Variants in ROPN1L observed in about 807,000 individuals in gnomAD.
ROPN1L encodes the protein ropporin-1-like protein.
Under a neutral mutation model 22.7 loss-of-function variants are expected in ROPN1L, and 23 were observed. The observed-to-expected ratio is 1.01, with a 90% confidence interval of 0.73 to 1.43. ROPN1L has a LOEUF of 1.43. ROPN1L is among the 40% of genes most tolerant of loss of function. The probability of loss-of-function intolerance (pLI) is 0.00; values close to 1 mark genes in which losing one functional copy is unlikely to be tolerated. For missense variants in ROPN1L, 271 were observed against 291.5 expected (o/e 0.93, Z 0.51); for synonymous variants, 116 against 117.8 (o/e 0.98, Z 0.10).
chr5:10,446,543 C>T (rs1467012261), intron 1 of ROPN1L, among the ~76,000 whole-genome samples: 2 of 152,062 alleles, frequency 1.3e-5, no homozygotes, highest in African/African-American at 4.8e-5. Flanking sequence ...CATGTGTAAT[C>T]CCAGCTACTC....
In ROPN1L at chr5:10,442,150, T is replaced by G; in HGVS notation, c.-18T>G. 6.2e-7 allele frequency: 1 copy of G among 1,610,104 alleles called. No homozygotes were observed. The highest frequency in any genetic ancestry group is 8.5e-7 in the Non-Finnish European group (1 of 1,177,254). On this transcript the variant is annotated 5_prime_UTR_variant, in exon 1 of 5. Coordinates refer to ENST00000274134, the MANE Select transcript of ROPN1L (RefSeq NM_031916.5). Reference sequence around the variant, plus strand: ...AGCGCGCCGCGATTCACCAGCCTGGTCCCTTCTGCGGAGAGCGATGCCGCT... The same window carrying G: ...AGCGCGCCGCGATTCACCAGCCTGGGCCCTTCTGCGGAGAGCGATGCCGCT...
chr5:10,480,066 G>C, the ROPN1L span, among the ~76,000 whole-genome samples: 1 of 152,204 alleles, frequency 6.6e-6, no homozygotes, highest in Non-Finnish European at 1.5e-5. Flanking sequence ...CTTTAGGAGA[G>C]TTTGAAGACA....
Position 10,446,952 on chromosome 5 carries a change from C to T in ROPN1L, c.132-1308C>T, listed in dbSNP as rs17758786. Among the ~76,000 whole-genome samples the T allele has an allele frequency of 4.7e-3, 716 of 152,138 alleles. 3 individuals carry two copies. The highest frequency in any genetic ancestry group is 8.4e-3 in the Non-Finnish European group (574 of 67,986). On this transcript the variant is annotated intron_variant, in intron 1 of 4. Transcript: ENST00000274134. ...TGCTGCCTTCAAATCATTAACAAAG[C>T]CACAAAATGGAGCTGAAGTTGTCTT...
At chr5:10,470,294 G>C (rs1201124778) in intron 4 of ROPN1L, among the ~76,000 whole-genome samples, 1 of 152,018 alleles carries the variant, frequency 6.6e-6, no homozygotes, top group Non-Finnish European at 1.5e-5. Context: ...ACAATCCCCT[G>C]GTTATTGAAG....
chr5:10,468,188 CA>C (rs1174413818), downstream of ROPN1L, among the ~76,000 whole-genome samples: 1 of 152,240 alleles, frequency 6.6e-6, no homozygotes, highest in East Asian at 1.9e-4. Flanking sequence ...TCCAAGTGCC[CA>C]GAGGCCGAGC....
intron 3 of ROPN1L, 97 bp downstream of exon 3, chr5:10,450,210 A>G: frequency 1.0e-6 from 1 of 984,324 alleles, no homozygotes; most frequent in East Asian, 2.7e-5. Context: ...ACACTTTAGT[A>G]ACTTTGTCTT....
chr5:10,471,408 A>G (rs914727443), intron 4 of ROPN1L, among the ~76,000 whole-genome samples: 3 of 152,114 alleles, frequency 2.0e-5, no homozygotes, highest in Non-Finnish European at 2.9e-5. Context: ...TTGGCCTCCC[A>G]AAGTGCTGGG....
chr5:10,442,346 AG>A, intron 1 of ROPN1L, 48 bp downstream of exon 1: 1 of 1,600,540 alleles, frequency 6.2e-7, no homozygotes, highest in South Asian at 1.1e-5. Context: ...TGCCCAAGCC[AG>A]ACGAGCCCAG....
chr5:10,461,893 G>A (rs1033185539), intron 4 of ROPN1L, among the ~76,000 whole-genome samples: 5 of 152,216 alleles, frequency 3.3e-5, no homozygotes, highest in African/African-American at 1.2e-4. Context: ...GAGCATGGGG[G>A]CTTTTGCCCC....
downstream of ROPN1L, among the ~76,000 whole-genome samples, chr5:10,475,377 C>T (rs1054069060): frequency 1.3e-5 from 2 of 152,154 alleles, no homozygotes; most frequent in Non-Finnish European, 1.5e-5. Flanking sequence ...CCTCGTACCC[C>T]GACCCTATTG....
chr5:10,454,789 G>A (rs536564340), intron 3 of ROPN1L, among the ~76,000 whole-genome samples: 49 of 152,308 alleles, frequency 3.2e-4, no homozygotes, highest in African/African-American at 7.5e-4. Context: ...AGAGCCCTGC[G>A]TGTGTATTCT....
rs1561176730 is a variant in ROPN1L at position 10,461,379 on chromosome 5, A to AG, written c.593+22dup. The AG allele has an allele frequency of 6.2e-7, 1 of 1,604,334 alleles. No individual in the cohort carries two copies. Among genetic ancestry groups the AG allele is most frequent in the South Asian group, 1.1e-5 (1 of 90,636 alleles). ...AAATATGTAAGTATGCACCCTCTCT[A>AG]GGATTCAGGTATGTTGACCATGGGA... On this transcript the variant is annotated intron_variant, in intron 4 of 4. Transcript: ENST00000274134.
At chr5:10,447,063 T>C (rs1359701840) in intron 1 of ROPN1L, among the ~76,000 whole-genome samples, 1 of 152,228 alleles carries the variant, frequency 6.6e-6, no homozygotes, top group Non-Finnish European at 1.5e-5. Flanking sequence ...CTATCAGATA[T>C]CGACTTATCC....
rs2126418685 is a variant in ROPN1L, at chr5:10,441,965, A to G, written c.-203A>G. 6.6e-6 allele frequency: 4 copies of G among 601,952 alleles called. No individual in the cohort carries two copies. The highest frequency in any genetic ancestry group is 3.9e-5 in the South Asian group (2 of 50,644). 37.3% of individuals were successfully genotyped at this position (601,952 alleles called of 1,614,324 possible). ...GGGTCTAGGGTGTTGTCGGAGTGGC[A>G]GTTGGTCCGAATTTCTCCCGAAGCC... On this transcript the variant is annotated 5_prime_UTR_variant, in exon 1 of 5. Coordinates refer to ENST00000274134, the MANE Select transcript of ROPN1L (RefSeq NM_031916.5).
Position 10,464,832 on chromosome 5 carries a change from T to C in ROPN1L, c.594-16T>C, listed in dbSNP as rs199750732. Reference sequence around the variant, plus strand: ...GAGAAATTACCAATAAATATCTTTATCTGTTTCCAATTTAGAGACGCCAGG... The same window carrying C: ...GAGAAATTACCAATAAATATCTTTACCTGTTTCCAATTTAGAGACGCCAGG... On this transcript the variant is annotated splice_polypyrimidine_tract_variant and intron_variant, in intron 4 of 4. Coordinates refer to ENST00000274134, the MANE Select transcript of ROPN1L (RefSeq NM_031916.5). 2.0e-6 allele frequency: 3 copies of C among 1,480,308 alleles called. No individual in the cohort carries two copies. Among genetic ancestry groups the C allele is most frequent in the Admixed American group, 4.0e-5 (2 of 49,914 alleles). The allele number at this position is 1,480,308 out of a possible 1,614,324, so 91.7% of individuals were successfully genotyped here.
At chr5:10,474,681 G>A (rs762879263), downstream of ROPN1L, among the ~76,000 whole-genome samples, 4 of 152,258 alleles carry the variant, frequency 2.6e-5, no homozygotes, top group African/African-American at 7.2e-5. Context: ...GGGCTTGGAC[G>A]CTCCACCCAT....
intron 3 of ROPN1L, among the ~76,000 whole-genome samples, chr5:10,459,025 C>T (rs1023584289): frequency 4.7e-5 from 7 of 148,686 alleles, no homozygotes; most frequent in East Asian, 2.0e-4. Context: ...CCTCCGTGAG[C>T]GCTAGGCCTA....
At chr5:10,449,835 AGTT>A in intron 2 of ROPN1L, 114 bp from the exon 3 acceptor site, 1 of 757,438 alleles carries the variant, frequency 1.3e-6, no homozygotes, top group Non-Finnish European at 2.1e-6. Flanking sequence ...ATGCATTTGG[AGTT>A]CATCTGTCCC....
chr5:10,456,027 G>A (rs1056511589), intron 3 of ROPN1L, among the ~76,000 whole-genome samples: 2 of 152,296 alleles, frequency 1.3e-5, no homozygotes, highest in Non-Finnish European at 1.5e-5. Context: ...GACTGTTGAG[G>A]GGCCTCATAT....
Sources: gnomAD v4.1 joint callset for allele counts (sites outside exome capture counted in the v4.1 genomes callset) on GRCh38, gnomAD v4.1.1 for gene constraint, MANE v1.5 for transcripts, NCBI Gene and HGNC (gene_info 2026-07-23, HGNC 2026-07-21) for gene names.